The following TGFB2 variants were observed in gnomAD, a reference collection of about 807,000 sequenced individuals.
The protein encoded by TGFB2 is transforming growth factor beta-2 proprotein.
TGFB2 carries 13 observed loss-of-function variants against 42.7 expected under a neutral mutation model. The ratio of observed to expected loss-of-function variants is 0.30; its 90% CI spans 0.20 to 0.48. The LOEUF is 0.48. TGFB2 is among the 20% of genes least tolerant of loss of function. The pLI, the probability that TGFB2 is intolerant of heterozygous loss-of-function variation, is 0.99. For missense variants in TGFB2, 390 were observed against 517.5 expected (o/e 0.75, Z 2.39); for synonymous variants, 193 against 193.6 (o/e 1.00, Z 0.03).
chr1:218,434,240 C>T (rs1256186081), intron 3 of TGFB2, 26 bp downstream of exon 3: 3 of 1,612,722 alleles, frequency 1.9e-6, no homozygotes, highest in South Asian at 1.1e-5. Flanking sequence ...CTCTTTTCCT[C>T]CCAAGATGTT....
At chr1:218,417,361 T>G (rs559979786) in intron 2 of TGFB2, among the ~76,000 whole-genome samples, 5 of 152,208 alleles carry the variant, frequency 3.3e-5, no homozygotes, top group Non-Finnish European at 2.9e-5. Context: ...CCCTAGAGAT[T>G]TGTGGAACTT....
intron 2 of TGFB2, 136 bp downstream of exon 2, chr1:218,405,468 G>A (rs746709384): frequency 4.1e-6 from 6 of 1,463,422 alleles, no homozygotes; most frequent in South Asian, 1.2e-5. Flanking sequence ...GGGTTCAAAC[G>A]ATCCGCTTGC....
At chr1:218,424,060 A>C (rs1460045353) in intron 2 of TGFB2, among the ~76,000 whole-genome samples, 2 of 152,238 alleles carry the variant, frequency 1.3e-5, no homozygotes, top group Non-Finnish European at 2.9e-5. Context: ...ATTGATTGTC[A>C]GGTGGCCCAG....
intron 1 of TGFB2, among the ~76,000 whole-genome samples, chr1:218,404,095 C>G (rs1475021898): frequency 6.7e-6 from 1 of 149,492 alleles, no homozygotes; most frequent in Admixed American, 6.7e-5. Flanking sequence ...TAAAGCAACC[C>G]AGGAGCTTGA....
intron 1 of TGFB2, among the ~76,000 whole-genome samples, chr1:218,380,669 A>C (rs905508405): frequency 5.3e-5 from 8 of 152,036 alleles, no homozygotes; most frequent in Non-Finnish European, 1.2e-4. Context: ...TGTAATATTT[A>C]CCAGATTTTT....
chr1:218,365,858 T>C (rs925204219), intron 1 of TGFB2, among the ~76,000 whole-genome samples: 5 of 152,168 alleles, frequency 3.3e-5, no homozygotes, highest in Admixed American at 6.5e-5. Flanking sequence ...GTGAACCGCC[T>C]CTCCATTCCA....
intron 1 of TGFB2, among the ~76,000 whole-genome samples, chr1:218,376,578 G>A (rs1020984548): frequency 1.3e-5 from 2 of 152,184 alleles, no homozygotes; most frequent in African/African-American, 4.8e-5. Context: ...AGGCCTTACT[G>A]TTTCCAGTTC....
chr1:218,385,660 A>C (rs1165818218), intron 1 of TGFB2, among the ~76,000 whole-genome samples: 2 of 152,190 alleles, frequency 1.3e-5, no homozygotes, highest in Non-Finnish European at 2.9e-5. Context: ...GGGGCTCATG[A>C]GATGGAGCAT....
chr1:218,356,884 G>T (rs2102538742), intron 1 of TGFB2, among the ~76,000 whole-genome samples: 1 of 152,328 alleles, frequency 6.6e-6, no homozygotes, highest in Non-Finnish European at 1.5e-5. Context: ...TTTAAAGGCG[G>T]CTTTAGCAAT....
intron 1 of TGFB2, among the ~76,000 whole-genome samples, chr1:218,363,966 A>T (rs1571837419): frequency 1.3e-5 from 2 of 152,120 alleles, no homozygotes; most frequent in East Asian, 3.9e-4. Flanking sequence ...TAAATTTGTA[A>T]ATTTTCTTAA....
intron 1 of TGFB2, among the ~76,000 whole-genome samples, chr1:218,365,355 C>T (rs1049441867): frequency 2.0e-5 from 3 of 152,196 alleles, no homozygotes; most frequent in African/African-American, 7.2e-5. Context: ...AGTGAGAGGC[C>T]TACCCTGGTT....
intron 1 of TGFB2, among the ~76,000 whole-genome samples, chr1:218,383,016 G>A (rs1409117990): frequency 1.3e-5 from 2 of 152,194 alleles, no homozygotes; most frequent in African/African-American, 2.4e-5. Context: ...CTAGCCTACT[G>A]TAAATTCTTT....
At chr1:218,385,007 T>C (rs771819724) in intron 1 of TGFB2, among the ~76,000 whole-genome samples, 7 of 152,212 alleles carry the variant, frequency 4.6e-5, no homozygotes, top group Non-Finnish European at 1.0e-4. Context: ...CGTATTATTA[T>C]ATGCATTGAA....
At chr1:218,400,403 G>A (rs1282211435) in intron 1 of TGFB2, among the ~76,000 whole-genome samples, 2 of 152,020 alleles carry the variant, frequency 1.3e-5, no homozygotes, top group East Asian at 1.9e-4. Flanking sequence ...CTTTCATGGG[G>A]ACCTGAGACC....
chr1:218,352,108 C>G (rs975248958), intron 1 of TGFB2, among the ~76,000 whole-genome samples: 3 of 152,034 alleles, frequency 2.0e-5, no homozygotes, highest in Non-Finnish European at 4.4e-5. Flanking sequence ...CCGCCTCCCC[C>G]TGCCCCTTGC....
chr1:218,443,149 ATTCT>A lies in TGFB2; in HGVS notation c.*1795_*1798del, dbSNP rs1429876723. 4 of 152,232 alleles carry A rather than the reference ATTCT, an allele frequency of 2.6e-5. No homozygotes were observed. The highest frequency in any genetic ancestry group is 1.3e-4 in the Admixed American group (2 of 15,286). The allele number at this position is 152,232 out of a possible 1,614,324, so 9.4% of individuals were successfully genotyped here. On this transcript the variant is annotated 3_prime_UTR_variant, in exon 7 of 7. Coordinates refer to ENST00000366930, the MANE Select transcript of TGFB2 (RefSeq NM_003238.6). ...AGCCAATTTTTCCTATGATCAAAAAATTCTTTCTTTCCTCTGAGTGAGAGTTATC... is the reference window on the plus strand; with the variant it reads ...AGCCAATTTTTCCTATGATCAAAAAATTCTTTCCTCTGAGTGAGAGTTATC...
intron 1 of TGFB2, among the ~76,000 whole-genome samples, chr1:218,390,172 G>C (rs573460044): frequency 1.1e-4 from 16 of 147,588 alleles, no homozygotes; most frequent in African/African-American, 3.3e-4. Context: ...CTAACTAAAA[G>C]CATTTGTCGT....
chr1:218,443,146 A>G lies in TGFB2; in HGVS notation c.*1784A>G, dbSNP rs1660211517. Reference sequence around the variant, plus strand: ...ACAAGCCAATTTTTCCTATGATCAAAAAATTCTTTCTTTCCTCTGAGTGAG... The same window carrying G: ...ACAAGCCAATTTTTCCTATGATCAAGAAATTCTTTCTTTCCTCTGAGTGAG... On this transcript the variant is annotated 3_prime_UTR_variant, in exon 7 of 7. Coordinates refer to ENST00000366930, the MANE Select transcript of TGFB2 (RefSeq NM_003238.6). The G allele has an allele frequency of 6.6e-6, 1 of 152,238 alleles. No individual in the cohort carries two copies. The highest frequency in any genetic ancestry group is 2.1e-4 in the South Asian group (1 of 4,836). The allele number at this position is 152,238 out of a possible 1,614,324, so 9.4% of individuals were successfully genotyped here. A position where few individuals can be genotyped will look rare whatever the true frequency, so the allele number is the denominator to read the frequency against.
At chr1:218,371,185 C>CA (rs573913521) in intron 1 of TGFB2, among the ~76,000 whole-genome samples, 361 of 152,210 alleles carry the variant, frequency 2.4e-3, no homozygotes, top group African/African-American at 8.3e-3. Flanking sequence ...CCTGTGGTCC[C>CA]AGCTATTCAG....
Sources: gnomAD v4.1 joint callset for allele counts (sites outside exome capture counted in the v4.1 genomes callset) on GRCh38, gnomAD v4.1.1 for gene constraint, MANE v1.5 for transcripts, NCBI Gene and HGNC (gene_info 2026-07-23, HGNC 2026-07-21) for gene names.